Variants in IL1RAPL1 observed in about 807,000 individuals in gnomAD.
IL1RAPL1 encodes interleukin-1 receptor accessory protein-like 1.
IL1RAPL1 carries 3 observed loss-of-function variants against 48.4 expected under a neutral mutation model. The observed-to-expected ratio is 0.06, with a 90% confidence interval of 0.03 to 0.16. The LOEUF (loss-of-function observed/expected upper bound fraction) is 0.16. IL1RAPL1 is among the 10% of genes least tolerant of loss of function. The probability of loss-of-function intolerance (pLI) is 1.00; values close to 1 mark genes in which losing one functional copy is unlikely to be tolerated. For synonymous variants in IL1RAPL1, 185 were observed against 187.7 expected (o/e 0.99, Z 0.12); for missense variants, 349 against 530.6 (o/e 0.66, Z 3.36).
chrX:29,064,396 A>AT (rs1035572713), intron 2 of IL1RAPL1, among the ~76,000 whole-genome samples: 72 of 107,565 alleles, frequency 6.7e-4, no homozygotes, highest in South Asian at 4.0e-3. Flanking sequence ...AGATTTGACT[A>AT]TTTTTTTTTT....
At chrX:28,770,655 C>G (rs186327320) in intron 1 of IL1RAPL1, among the ~76,000 whole-genome samples, 1 of 112,293 alleles carries the variant, frequency 8.9e-6, no homozygotes, top group East Asian at 2.8e-4. Flanking sequence ...TTTTGTATAT[C>G]TCCAGCCACC....
chrX:28,873,106 C>CTTTTT (rs764591682), intron 2 of IL1RAPL1, among the ~76,000 whole-genome samples: 4 of 64,968 alleles, frequency 6.2e-5, no homozygotes, highest in African/African-American at 8.2e-5. Context: ...TTTTTTTTCA[C>CTTTTT]TTTTTTTTTT....
At chrX:28,725,140 C>T (rs182939006) in intron 1 of IL1RAPL1, among the ~76,000 whole-genome samples, 21 of 109,075 alleles carry the variant, frequency 1.9e-4, no homozygotes, top group Admixed American at 1.9e-3. Flanking sequence ...TTAGTAGAGA[C>T]GAGGTTTCAC....
At chrX:29,081,012 CTCTCTCTCTTTCTTTTCT>C (rs1214946444) in intron 2 of IL1RAPL1, among the ~76,000 whole-genome samples, 2 of 67,810 alleles carry the variant, frequency 2.9e-5, no homozygotes, top group African/African-American at 5.5e-5. Flanking sequence ...CTCTCTCTCT[CTCTCTCTCTTTCTTTTCT>C]TTTCTTTTCT....
intron 3 of IL1RAPL1, among the ~76,000 whole-genome samples, chrX:29,371,321 G>A (rs764641253): frequency 9.1e-6 from 1 of 109,492 alleles, no homozygotes; most frequent in South Asian, 4.0e-4. Flanking sequence ...TAGTAGAGAC[G>A]GGATTTCACA....
chrX:29,673,735 T>C (rs904396510), intron 6 of IL1RAPL1, among the ~76,000 whole-genome samples: 2 of 111,607 alleles, frequency 1.8e-5, no homozygotes, highest in Non-Finnish European at 3.8e-5. Context: ...TAAAGACTGG[T>C]ATTATAATTA....
intron 2 of IL1RAPL1, among the ~76,000 whole-genome samples, chrX:29,121,952 T>C (rs766648023): frequency 1.8e-3 from 199 of 112,106 alleles, no homozygotes; most frequent in African/African-American, 6.0e-3. Context: ...TTAAAATATC[T>C]GTGAAATTAG....
chrX:28,716,884 T>A, intron 1 of IL1RAPL1, among the ~76,000 whole-genome samples: 1 of 111,803 alleles, frequency 8.9e-6, no homozygotes, highest in East Asian at 2.8e-4. Context: ...GGCAGACACA[T>A]GGACAACATG....
At chrX:29,593,409 G>A (rs1923444870) in intron 5 of IL1RAPL1, among the ~76,000 whole-genome samples, 1 of 111,867 alleles carries the variant, frequency 8.9e-6, no homozygotes, top group Non-Finnish European at 1.9e-5. Context: ...AAGTAAATGA[G>A]GGTTTCAGTG....
At chrX:29,391,401 T>G (rs1933851464) in intron 3 of IL1RAPL1, among the ~76,000 whole-genome samples, 2 of 109,592 alleles carry the variant, frequency 1.8e-5, no homozygotes, top group South Asian at 7.6e-4. Flanking sequence ...CTGAATCAGA[T>G]TTTTTTTTTC....
chrX:28,817,186 T>C (rs180742040), intron 2 of IL1RAPL1, among the ~76,000 whole-genome samples: 10 of 110,922 alleles, frequency 9.0e-5, no homozygotes, highest in Admixed American at 6.8e-4. Flanking sequence ...TTTTAAAATA[T>C]ATACTCAGTG....
intron 6 of IL1RAPL1, among the ~76,000 whole-genome samples, chrX:29,832,778 G>C (rs1474913085): frequency 9.6e-6 from 1 of 104,383 alleles, no homozygotes; most frequent in Admixed American, 1.1e-4. Context: ...GTTATGCAGA[G>C]AGTTTCCTCC....
intron 8 of IL1RAPL1, among the ~76,000 whole-genome samples, chrX:29,922,257 G>T (rs1451319092): frequency 9.0e-6 from 1 of 111,638 alleles, no homozygotes; most frequent in East Asian, 2.8e-4. Context: ...AATGAAGAAT[G>T]AAGAAAATTA....
At chrX:28,746,916 A>C (rs17333742) in intron 1 of IL1RAPL1, among the ~76,000 whole-genome samples, 8,496 of 110,910 alleles carry the variant, frequency 0.077, 652 homozygotes, top group East Asian at 0.33. Flanking sequence ...CATTTAATTT[A>C]TTTATAACGC....
chrX:28,836,369 A>ATATATATATAT (rs1569183037), intron 2 of IL1RAPL1, among the ~76,000 whole-genome samples: 1 of 73,229 alleles, frequency 1.4e-5, no homozygotes, highest in African/African-American at 1.9e-4. Flanking sequence ...TATATGACAG[A>ATATATATATAT]GAGAGAGAGA....
chrX:28,900,308 A>G (rs1055906588), intron 2 of IL1RAPL1, among the ~76,000 whole-genome samples: 1 of 112,036 alleles, frequency 8.9e-6, no homozygotes, highest in Admixed American at 9.5e-5. Flanking sequence ...ATTTTCTGTG[A>G]TTTACATATA....
At position 28,853,424 on chromosome X, in the gene IL1RAPL1, G is replaced by A. The variant is rs368642310; in HGVS notation, c.82+63999G>A. 3.2e-5 allele frequency among the ~76,000 whole-genome samples: 3 copies of A among 94,552 alleles called. No individual in the cohort carries two copies. The East Asian group carries it at 1.1e-3, about 36-fold the overall frequency. 82.1% of individuals were successfully genotyped at this position (94,552 alleles called of 115,157 possible). A position where few individuals can be genotyped will look rare whatever the true frequency, so the allele number is the denominator to read the frequency against. On this transcript the variant is annotated intron_variant, in intron 2 of 10. Transcript: ENST00000378993. Reference sequence around the variant, plus strand: ...GCCAAGGTTAATAAGCAAAGATTTCGGACCAAGTTTTTATACCTTTTTATC... The same window carrying A: ...GCCAAGGTTAATAAGCAAAGATTTCAGACCAAGTTTTTATACCTTTTTATC...
chrX:29,817,460 A>G (rs766279008), intron 6 of IL1RAPL1, among the ~76,000 whole-genome samples: 60 of 111,123 alleles, frequency 5.4e-4, no homozygotes, highest in Non-Finnish European at 1.0e-3. Context: ...GGCAAAACTC[A>G]GCTGAAAGGT....
At chrX:29,187,948 A>C (rs368042385) in intron 2 of IL1RAPL1, among the ~76,000 whole-genome samples, 6 of 111,949 alleles carry the variant, frequency 5.4e-5, no homozygotes, top group African/African-American at 1.9e-4. Context: ...AGCTGGTCTA[A>C]ACTGCCCTCT....
Sources: gnomAD v4.1 joint callset for allele counts (sites outside exome capture counted in the v4.1 genomes callset) on GRCh38, gnomAD v4.1.1 for gene constraint, MANE v1.5 for transcripts, NCBI Gene and HGNC (gene_info 2026-07-23, HGNC 2026-07-21) for gene names.